L3MBTL2: variants seen among roughly 807,000 people sequenced by gnomAD.
The protein encoded by L3MBTL2 is lethal(3)malignant brain tumor-like protein 2.
L3MBTL2 carries 49 observed loss-of-function variants against 86.4 expected under a neutral mutation model. The ratio of observed to expected loss-of-function variants is 0.57; its 90% CI spans 0.45 to 0.72. L3MBTL2 has a LOEUF of 0.72. L3MBTL2 is among the 30% of genes least tolerant of loss of function. The probability of loss-of-function intolerance (pLI) is 0.00; values close to 1 mark genes in which losing one functional copy is unlikely to be tolerated. For synonymous variants in L3MBTL2, 336 were observed against 350.6 expected, an observed-to-expected ratio of 0.96 and a Z score of 0.47; for missense variants, 755 against 923.7, an observed-to-expected ratio of 0.82 and a Z score of 2.37.
chr22:41,216,389 C>A, intron 4 of L3MBTL2, 127 bp downstream of exon 4: 2 of 1,133,338 alleles, frequency 1.8e-6, no homozygotes, highest in South Asian at 1.6e-5. Context: ...AAGTCAGGGT[C>A]ACTGCGGATT....
At chr22:41,221,163 G>A (rs376797412) in intron 7 of L3MBTL2, 36 bp from the exon 8 acceptor site, 1 of 1,515,296 alleles carries the variant, frequency 6.6e-7, no homozygotes, top group Admixed American at 2.0e-5. Flanking sequence ...AGGTTTGTCA[G>A]TCTGTGTAAC....
chr22:41,227,182 G>C lies in L3MBTL2; in HGVS notation c.1681G>C (p.Val561Leu). The change falls in exon 14 of 17, where the codon GTG becomes CTG. Residue 561 changes from valine (V) to leucine (L), a missense_variant. Transcript: ENST00000216237. The surrounding 1 kb of genome is among the most constrained non-coding windows in gnomAD (Gnocchi z 6.0). ...RLICVATVKR[V>L]VHRLLSIHFD... ...CATCTGTGTGGCCACGGTGAAACGA[G>C]TGGTGCATCGGCTCCTCAGCATCCA... 6.2e-7 allele frequency: 1 copy of C among 1,613,784 alleles called. No individual in the cohort carries two copies. Among genetic ancestry groups the C allele is most frequent in the South Asian group, 1.1e-5 (1 of 91,072 alleles).
At chr22:41,223,956 G>T (rs1601528792) in intron 8 of L3MBTL2, 64 bp from the exon 9 acceptor site, 1 of 1,299,924 alleles carries the variant, frequency 7.7e-7, no homozygotes, top group Admixed American at 1.7e-5. Flanking sequence ...CCACTCACCA[G>T]AGCAGGAGGG....
intron 1 of L3MBTL2, chr22:41,208,389 C>T (rs760504926): frequency 2.3e-6 from 1 of 426,310 alleles, no homozygotes; most frequent in South Asian, 1.7e-5. Context: ...CTCAGCCTCC[C>T]AAAGTGCTGG....
chr22:41,212,297 C>G (rs762608748), intron 2 of L3MBTL2, among the ~76,000 whole-genome samples: 2 of 152,020 alleles, frequency 1.3e-5, no homozygotes, highest in Non-Finnish European at 2.9e-5. Flanking sequence ...CCACTTAGAC[C>G]AGGGGTTCTG....
Position 41,230,757 on chromosome 22 carries a change from A to G in L3MBTL2, c.*506A>G, listed in dbSNP as rs1284775631. 1 of 154,040 alleles carries G rather than the reference A, an allele frequency of 6.5e-6. No homozygotes were observed. The highest frequency in any genetic ancestry group is 1.4e-5 in the Non-Finnish European group (1 of 69,498). The allele number at this position is 154,040 out of a possible 1,614,324, so 9.5% of individuals were successfully genotyped here. A position where few individuals can be genotyped will look rare whatever the true frequency, so the allele number is the denominator to read the frequency against. On this transcript the variant is annotated 3_prime_UTR_variant, in exon 17 of 17. Transcript: ENST00000216237. ...CAGCCTCTGCCTCAAAAATTCACCA[A>G]GCAGAATGCCTCTCAGCCTCATGTG...
chr22:41,230,219 G>A lies in L3MBTL2; in HGVS notation c.2086G>A (p.Val696Ile), dbSNP rs776539879. The part of the protein sequence containing the change: ...KASSPELPVS[V>I]ENIKQETDD ...TTCAAGTCCAGAGCTGCCTGTCTCC[G>A]TCGAGAACATCAAGCAGGAAACAGA... The change falls in exon 17 of 17, where the codon GTC becomes ATC. Residue 696 changes from valine (V) to isoleucine (I), a missense_variant. This residue lies in a region of L3MBTL2 where 634 missense variants were observed against 748.9 expected (regional missense o/e 0.85). Coordinates refer to ENST00000216237, the MANE Select transcript of L3MBTL2 (RefSeq NM_031488.5). 2.1e-5 allele frequency: 34 copies of A among 1,608,146 alleles called. No homozygotes were observed. Among genetic ancestry groups the A allele is most frequent in the South Asian group, 1.1e-4 (10 of 90,916 alleles).
At chr22:41,213,580 C>T (rs1486988489) in intron 2 of L3MBTL2, 2 of 194,360 alleles carry the variant, frequency 1.0e-5, no homozygotes, top group South Asian at 1.3e-4. Flanking sequence ...ACAGGAGCTA[C>T]CATGCCTAGT....
intron 3 of L3MBTL2, among the ~76,000 whole-genome samples, chr22:41,215,703 G>T (rs2031292606): frequency 6.6e-6 from 1 of 151,968 alleles, no homozygotes; most frequent in Non-Finnish European, 1.5e-5. Context: ...CGCCTATGTG[G>T]ACCCTCTCCC....
intron 5 of L3MBTL2, chr22:41,218,702 C>A (rs2031581459): frequency 6.6e-6 from 1 of 152,266 alleles, no homozygotes; most frequent in Non-Finnish European, 1.5e-5. Context: ...CAGCTCACAG[C>A]AGCCTCCCCC....
Position 41,219,530 on chromosome 22 carries a change from A to G in L3MBTL2, c.712A>G (p.Thr238Ala). 6.2e-7 allele frequency: 1 copy of G among 1,608,510 alleles called. No homozygotes were observed. The highest frequency in any genetic ancestry group is 8.5e-7 in the Non-Finnish European group (1 of 1,175,128). The change falls in exon 6 of 17, where the codon ACA becomes GCA. Residue 238 changes from threonine (T) to alanine (A), a missense_variant. Around this residue, in one of 3 missense-constraint regions of L3MBTL2, gnomAD observed 634 missense variants for 748.9 expected, o/e 0.85. Transcript: ENST00000216237. ...GTACTGGATCGCCTCTGTCATCCAG[A>G]CAGCAGGTGAGTGTTTGGCCAGGGC... Reference protein sequence around the residue: ...RVYWIASVIQTAGYRVLLRYE... With the variant: ...RVYWIASVIQAAGYRVLLRYE...
chr22:41,220,659 G>GAA (rs397867987), intron 6 of L3MBTL2, 75 bp from the exon 7 acceptor site: 24,219 of 1,247,914 alleles, frequency 0.019, no homozygotes, highest in South Asian at 0.026. Flanking sequence ...CTTCGTCTCA[G>GAA]AAAAAAAAAA....
chr22:41,221,024 G>A (rs1203367409), intron 7 of L3MBTL2, among the ~76,000 whole-genome samples, 156 bp downstream of exon 7: 1 of 152,176 alleles, frequency 6.6e-6, no homozygotes, highest in African/African-American at 2.4e-5. Flanking sequence ...CAGAGGCCTG[G>A]GGGCAGATCC....
chr22:41,230,140 C>T lies in L3MBTL2; in HGVS notation c.2007C>T (p.Ile669=), dbSNP rs760482910. Residue 669 remains isoleucine (I), a splice_region_variant and synonymous_variant, in exon 17 of 17, where the codon ATC becomes ATT. Coordinates refer to ENST00000216237, the MANE Select transcript of L3MBTL2 (RefSeq NM_031488.5). ...KISSEPVPGE[I]IAVRVKEEHL... Reference sequence around the variant, plus strand: ...CACCCGCCTCCCCTCCCTCTTCAGTCATTGCTGTGCGTGTGAAGGAAGAGC... The same window carrying T: ...CACCCGCCTCCCCTCCCTCTTCAGTTATTGCTGTGCGTGTGAAGGAAGAGC... 5 of 1,299,120 alleles carry T rather than the reference C, an allele frequency of 3.8e-6. No individual in the cohort carries two copies. The highest frequency in any genetic ancestry group is 3.5e-5 in the South Asian group (3 of 85,818). The allele number at this position is 1,299,120 out of a possible 1,614,324, so 80.5% of individuals were successfully genotyped here.
Position 41,224,386 on chromosome 22 carries a change from C to T in L3MBTL2, c.1174+135C>T. 1 of 650,546 alleles carries T rather than the reference C, an allele frequency of 1.5e-6. No homozygotes were observed. The highest frequency in any genetic ancestry group is 2.6e-6 in the Non-Finnish European group (1 of 380,052). 40.3% of individuals were successfully genotyped at this position (650,546 alleles called of 1,614,324 possible). On this transcript the variant is annotated intron_variant, in intron 9 of 16. Transcript: ENST00000216237. The surrounding 1 kb of genome is among the most constrained non-coding windows in gnomAD (Gnocchi z 4.9). ...CCCCCTGCAGTGATGATACTGAGCT[C>T]CAGAGAGCTTGAGTAACTTGACAAA...
chr22:41,214,254 T>A, intron 3 of L3MBTL2: 2 of 463,492 alleles, frequency 4.3e-6, no homozygotes, highest in Non-Finnish European at 3.9e-6. Flanking sequence ...CCCCAGAGTC[T>A]GGTGTATTCA....
chr22:41,229,594 C>A lies in L3MBTL2; in HGVS notation c.1943C>A (p.Pro648His). The A allele has an allele frequency of 6.2e-7, 1 of 1,613,746 alleles. No individual in the cohort carries two copies. ...CCCCTCAGACAGGGGTCCAAGAAGC[C>A]CCTGCTGGAGGACGACCCTCAGGGT... The part of the protein sequence containing the change: ...TRPLRQGSKK[P>H]LLEDDPQGAR... Residue 648 changes from proline (P) to histidine (H), a missense_variant, in exon 16 of 17, where the codon CCC becomes CAC. Physicochemically the swap from Pro to His is moderately conservative, Grantham distance 77. Coordinates refer to ENST00000216237, the MANE Select transcript of L3MBTL2 (RefSeq NM_031488.5).
In L3MBTL2 at chr22:41,227,421, G is replaced by A; in HGVS notation, c.1822+98G>A. 2 of 1,294,678 alleles carry A rather than the reference G, an allele frequency of 1.5e-6. No homozygotes were observed. Among genetic ancestry groups the A allele is most frequent in the Non-Finnish European group, 2.2e-6 (2 of 917,346 alleles). 80.2% of individuals were successfully genotyped at this position (1,294,678 alleles called of 1,614,324 possible). A position where few individuals can be genotyped will look rare whatever the true frequency, so the allele number is the denominator to read the frequency against. ...TGCCCATCTCCGTTCTTTGGCATGAGGTGGAGATGTCTCATGGACCACTTT... is the reference window on the plus strand; with the variant it reads ...TGCCCATCTCCGTTCTTTGGCATGAAGTGGAGATGTCTCATGGACCACTTT... On this transcript the variant is annotated intron_variant, in intron 14 of 16. Transcript: ENST00000216237. This position sits in a 1 kb window ranked among gnomAD's most constrained non-coding sequence, Gnocchi z 6.0.
intron 2 of L3MBTL2, 81 bp downstream of exon 2, chr22:41,210,014 G>C: frequency 6.5e-7 from 1 of 1,544,274 alleles, no homozygotes; most frequent in Non-Finnish European, 8.8e-7. Flanking sequence ...GGCTATATGG[G>C]CAGAGCCATC....
Sources: allele counts gnomAD v4.1 joint callset (sites outside exome capture counted in the v4.1 genomes callset), GRCh38; gene constraint gnomAD v4.1.1; regional missense constraint gnomAD v4.1.1; non-coding constraint Gnocchi (gnomAD v3.1); transcripts MANE v1.5; gene names NCBI Gene and HGNC (gene_info 2026-07-23, HGNC 2026-07-21).